The following WDR64 variants were observed in gnomAD, a reference collection of about 807,000 sequenced individuals.
WDR64 encodes the protein WD repeat domain 64.
In WDR64, 112 loss-of-function variants were observed where a neutral mutation model predicts 139.3. That is an observed-to-expected ratio of 0.80 (90% CI 0.69 to 0.94). The LOEUF is 0.94. WDR64 is among the 40% of genes least tolerant of loss of function. The pLI, the probability that WDR64 is intolerant of heterozygous loss-of-function variation, is 0.00. For missense variants in WDR64, 1,206 were observed against 1,293.1 expected, an observed-to-expected ratio of 0.93 and a Z score of 1.03; for synonymous variants, 444 against 437.7, an observed-to-expected ratio of 1.01 and a Z score of -0.18.
intron 6 of WDR64, among the ~76,000 whole-genome samples, chr1:241,681,386 C>G (rs1179752905): frequency 6.6e-6 from 1 of 152,138 alleles, no homozygotes; most frequent in Non-Finnish European, 1.5e-5. Flanking sequence ...GTTTTCCATT[C>G]CTGAGTTACT....
chr1:241,679,480 A>G lies in WDR64; in HGVS notation c.514-5A>G. On this transcript the variant is annotated splice_region_variant and splice_polypyrimidine_tract_variant and intron_variant, in intron 5 of 27. Coordinates refer to ENST00000437684, the MANE Select transcript of WDR64 (RefSeq NM_001367482.1). ...ATATCCCCCAATTCTCTGCTTTTCT[A>G]TCAGGACACCTCCTGGATTACAGGG... The G allele has an allele frequency of 9.7e-6, 15 of 1,551,636 alleles. No individual in the cohort carries two copies. The highest frequency in any genetic ancestry group is 1.2e-5 in the Non-Finnish European group (14 of 1,146,578).
At chr1:241,684,381 A>T (rs1407644803) in intron 7 of WDR64, among the ~76,000 whole-genome samples, 2 of 152,222 alleles carry the variant, frequency 1.3e-5, no homozygotes, top group African/African-American at 4.8e-5. Context: ...AAATGCTAAC[A>T]ATAGTTATCC....
intron 14 of WDR64, among the ~76,000 whole-genome samples, chr1:241,751,096 A>G (rs1669963796): frequency 6.6e-6 from 1 of 152,076 alleles, no homozygotes; most frequent in Non-Finnish European, 1.5e-5. Flanking sequence ...TTTTTCAATG[A>G]CCAGTTACCA....
chr1:241,730,811 A>G (rs6689723), intron 10 of WDR64, among the ~76,000 whole-genome samples: 23,935 of 152,184 alleles, frequency 0.16, 2,204 homozygotes, highest in East Asian at 0.28. Flanking sequence ...TAAATAAAGC[A>G]TAGCTGCCCC....
rs1270771999 is a variant in WDR64, at chr1:241,687,512, A to C, written c.891A>C (p.Ser297=). ...GGGTTATGAAAATTAGATATATTTC[A>C]GCCCTAAATTGTTTTGGATCCTGCT... The part of the protein sequence containing the change: ...NDWVMKIRYI[S]ALNCFGSCSL... Residue 297 remains serine, a synonymous_variant, in exon 8 of 28, where the codon TCA becomes TCC. Coordinates refer to ENST00000437684, the MANE Select transcript of WDR64 (RefSeq NM_001367482.1). 1.9e-6 allele frequency: 3 copies of C among 1,613,830 alleles called. No homozygotes were observed. Among genetic ancestry groups the C allele is most frequent in the Admixed American group, 1.7e-5 (1 of 59,980 alleles).
At chr1:241,753,731 T>C (rs1670065999) in intron 14 of WDR64, among the ~76,000 whole-genome samples, 1 of 151,662 alleles carries the variant, frequency 6.6e-6, no homozygotes, top group African/African-American at 2.4e-5. Context: ...AACATAAAGA[T>C]AGTACAGGTG....
intron 8 of WDR64, among the ~76,000 whole-genome samples, chr1:241,691,644 G>T (rs946528931): frequency 3.3e-5 from 5 of 152,198 alleles, no homozygotes; most frequent in African/African-American, 1.2e-4. Context: ...GGTATAGCAT[G>T]TTTGCACAAT....
chr1:241,673,192 T>C (rs371799741), intron 3 of WDR64, among the ~76,000 whole-genome samples: 247 of 102,078 alleles, frequency 2.4e-3, no homozygotes, highest in African/African-American at 7.7e-3. Flanking sequence ...TGTTGTGGGG[T>C]GGGGGGAGGG....
chr1:241,791,540 A>G (rs1659215170), intron 25 of WDR64, among the ~76,000 whole-genome samples: 5 of 152,024 alleles, frequency 3.3e-5, no homozygotes, highest in Admixed American at 3.3e-4. Context: ...GCATGGTGAC[A>G]GTCCACCTGT....
At chr1:241,765,825 C>A in intron 15 of WDR64, among the ~76,000 whole-genome samples, 1 of 152,114 alleles carries the variant, frequency 6.6e-6, no homozygotes, top group East Asian at 1.9e-4. Context: ...TGATAAATAG[C>A]TATCACAGGG....
intron 9 of WDR64, among the ~76,000 whole-genome samples, chr1:241,712,669 C>T (rs1201637676): frequency 3.9e-5 from 6 of 152,258 alleles, no homozygotes; most frequent in South Asian, 2.1e-4. Context: ...ATAGTACCTA[C>T]CCATAATGTT....
At chr1:241,739,559 A>G (rs1669455064) in intron 11 of WDR64, among the ~76,000 whole-genome samples, 1 of 152,178 alleles carries the variant, frequency 6.6e-6, no homozygotes, top group African/African-American at 2.4e-5. Context: ...TACCTCCTCT[A>G]AAAGGAACAT....
intron 27 of WDR64, among the ~76,000 whole-genome samples, chr1:241,799,676 A>G (rs557892450): frequency 6.6e-6 from 1 of 152,204 alleles, no homozygotes; most frequent in East Asian, 1.9e-4. Context: ...GCTGGGATAA[A>G]TCCAGTCACT....
At chr1:241,760,492 G>GA (rs1294915081) in intron 15 of WDR64, among the ~76,000 whole-genome samples, 1 of 150,818 alleles carries the variant, frequency 6.6e-6, no homozygotes, top group Admixed American at 6.6e-5. Flanking sequence ...TAAGAAGCTG[G>GA]AAAAAATATG....
intron 27 of WDR64, 151 bp downstream of exon 27, chr1:241,796,521 T>C (rs1450525084): frequency 5.2e-6 from 3 of 580,488 alleles, no homozygotes; most frequent in Non-Finnish European, 8.8e-6. Flanking sequence ...AGGCGGAGTT[T>C]CCCTCTTGTT....
intron 4 of WDR64, 130 bp from the exon 5 acceptor site, chr1:241,678,054 GGGA>G (rs1211342680): frequency 2.5e-6 from 1 of 396,192 alleles, no homozygotes; most frequent in African/African-American, 2.1e-5. Context: ...AGGAGAAACA[GGGA>G]GGAGACTTAT....
chr1:241,687,831 T>C (rs185521524), intron 8 of WDR64, among the ~76,000 whole-genome samples: 3 of 152,336 alleles, frequency 2.0e-5, no homozygotes, highest in African/African-American at 7.2e-5. Flanking sequence ...ATTTCTATCA[T>C]CTACTGAAAT....
At chr1:241,779,691 G>A (rs1033537933) in intron 21 of WDR64, among the ~76,000 whole-genome samples, 11 of 152,024 alleles carry the variant, frequency 7.2e-5, no homozygotes, top group Non-Finnish European at 8.8e-5. Context: ...TTAGCCGGGC[G>A]TGGTGGCAGG....
intron 9 of WDR64, among the ~76,000 whole-genome samples, chr1:241,717,612 G>A (rs1357048812): frequency 1.5e-5 from 2 of 132,524 alleles, no homozygotes; most frequent in Admixed American, 7.5e-5. Flanking sequence ...CTTCACACAC[G>A]CAGAAAAGAA....
Sources: allele counts gnomAD v4.1 joint callset (sites outside exome capture counted in the v4.1 genomes callset), GRCh38; gene constraint gnomAD v4.1.1; transcripts MANE v1.5; gene names NCBI Gene and HGNC (gene_info 2026-07-23, HGNC 2026-07-21).